THOC2: variants seen among roughly 807,000 people sequenced by gnomAD.
THOC2 encodes the protein THO complex subunit 2.
In THOC2, 10 loss-of-function variants were observed where a neutral mutation model predicts 128.4. The observed-to-expected ratio is 0.08, with a 90% CI of 0.05 to 0.13. The LOEUF (loss-of-function observed/expected upper bound fraction) is 0.13, where lower values mean the gene tolerates loss of function less well. THOC2 is among the 10% of genes least tolerant of loss of function. The pLI, the probability that THOC2 is intolerant of heterozygous loss-of-function variation, is 1.00. For synonymous variants in THOC2, 393 were observed against 396.9 expected (o/e 0.99, Z 0.12); for missense variants, 535 against 1,155.7 (o/e 0.46, Z 7.79).
intron 38 of THOC2, among the ~76,000 whole-genome samples, chrX:123,607,544 T>A (rs1404779378): frequency 9.2e-6 from 1 of 109,215 alleles, no homozygotes; most frequent in Admixed American, 9.8e-5. Flanking sequence ...CCTCAAGCAA[T>A]CCTCTTGCCT....
chrX:123,711,178 G>A (rs1312981905), intron 2 of THOC2, among the ~76,000 whole-genome samples: 2 of 102,281 alleles, frequency 2.0e-5, no homozygotes, highest in African/African-American at 7.1e-5. Flanking sequence ...GCCACCACAC[G>A]CAGCTAATTT....
At chrX:123,643,002 T>C (rs979485643) in intron 15 of THOC2, among the ~76,000 whole-genome samples, 6 of 111,294 alleles carry the variant, frequency 5.4e-5, no homozygotes, top group Non-Finnish European at 9.4e-5. Context: ...TGCTAAAGAA[T>C]AGTGATGGAA....
Position 123,716,318 on chromosome X carries a change from G to A in THOC2, c.72-3410C>T, listed in dbSNP as rs1198864345. 2.7e-5 allele frequency among the ~76,000 whole-genome samples: 3 copies of A among 112,624 alleles called. No homozygotes were observed. The South Asian group carries it at 1.1e-3, about 41-fold the overall frequency. On this transcript the variant is annotated intron_variant, in intron 1 of 38. Coordinates refer to ENST00000245838, the MANE Select transcript of THOC2 (RefSeq NM_001081550.2). Reference sequence around the variant, plus strand: ...ATAGAGGCTGAGCGCAGTGGCTCACGCCTGTAATCCCAGCACTTTGGGAGG... The same window carrying A: ...ATAGAGGCTGAGCGCAGTGGCTCACACCTGTAATCCCAGCACTTTGGGAGG...
rs549256040 is a variant in THOC2, at chrX:123,686,594, G to A, written c.722C>T (p.Pro241Leu). The A allele has an allele frequency of 7.5e-6, 9 of 1,204,127 alleles. No individual in the cohort carries two copies. The highest frequency in any genetic ancestry group is 7.0e-5 in the African/African-American group (4 of 57,017). Reference sequence around the variant, plus strand: ...CCCAAGAATATGACACAGTGTTTGCGGTTCACACATACTCATGTAAGATTC... The same window carrying A: ...CCCAAGAATATGACACAGTGTTTGCAGTTCACACATACTCATGTAAGATTC... ...LLESYMSMCE[P>L]QTLCHILGFK... The change falls in exon 8 of 39, where the codon CCG becomes CTG. Residue 241 changes from proline (P) to leucine (L), a missense_variant. This residue lies in a region of THOC2 where 197 missense variants were observed against 313.4 expected (regional missense o/e 0.63). Coordinates refer to ENST00000245838, the MANE Select transcript of THOC2 (RefSeq NM_001081550.2).
chrX:123,671,597 T>C, intron 9 of THOC2, 72 bp downstream of exon 9: 2 of 610,354 alleles, frequency 3.3e-6, no homozygotes, highest in Non-Finnish European at 2.5e-6. Flanking sequence ...GGGGGTGCTA[T>C]GTGGCTACCT....
At chrX:123,710,290 CAAT>C (rs746754383) in intron 2 of THOC2, among the ~76,000 whole-genome samples, 2 of 111,842 alleles carry the variant, frequency 1.8e-5, no homozygotes, top group African/African-American at 3.3e-5. Flanking sequence ...TGCAAATAAA[CAAT>C]AATCTAATAG....
intron 1 of THOC2, among the ~76,000 whole-genome samples, chrX:123,713,476 CA>C (rs1245124629): frequency 1.4e-3 from 55 of 38,353 alleles, no homozygotes; most frequent in Middle Eastern, 0.022. Flanking sequence ...TCTGTCTCTA[CA>C]AAAAAAAAAA....
chrX:123,642,881 CTT>C (rs1274992228), intron 15 of THOC2, among the ~76,000 whole-genome samples: 1 of 111,205 alleles, frequency 9.0e-6, no homozygotes, highest in African/African-American at 3.3e-5. Context: ...TGGAGTGAGA[CTT>C]TTTGCTGTAT....
At chrX:123,662,587 CAAA>C (rs777761030) in intron 12 of THOC2, among the ~76,000 whole-genome samples, 2 of 47,428 alleles carry the variant, frequency 4.2e-5, no homozygotes, top group Non-Finnish European at 7.8e-5. Context: ...GACTCCGTCT[CAAA>C]AAAAAAAAAA....
At chrX:123,683,839 A>G (rs1023661587) in intron 8 of THOC2, among the ~76,000 whole-genome samples, 2 of 110,772 alleles carry the variant, frequency 1.8e-5, no homozygotes, top group Non-Finnish European at 3.8e-5. Context: ...ACCTCAGGTG[A>G]CCCACCTGCC....
At chrX:123,617,948 T>C (rs1284819455) in intron 33 of THOC2, among the ~76,000 whole-genome samples, 1 of 111,838 alleles carries the variant, frequency 8.9e-6, no homozygotes, top group African/African-American at 3.2e-5. Context: ...GAAAGTTCTA[T>C]AGATATCAAA....
intron 10 of THOC2, 70 bp from the exon 11 acceptor site, chrX:123,667,348 T>TA: frequency 1.3e-6 from 1 of 785,427 alleles, no homozygotes; most frequent in Non-Finnish European, 1.8e-6. Flanking sequence ...CTTTGTCACT[T>TA]AAAAAACTGA....
chrX:123,718,204 T>C (rs2051515608), intron 1 of THOC2, among the ~76,000 whole-genome samples: 1 of 112,116 alleles, frequency 8.9e-6, no homozygotes, highest in East Asian at 2.8e-4. Context: ...AGACAGTCTC[T>C]TCAATAAAGA....
At chrX:123,719,083 C>A (rs2051566804) in intron 1 of THOC2, among the ~76,000 whole-genome samples, 2 of 107,878 alleles carry the variant, frequency 1.9e-5, no homozygotes, top group Admixed American at 2.0e-4. Flanking sequence ...GAGGCTGAGG[C>A]AGGAGAATGG....
intron 13 of THOC2, 97 bp downstream of exon 13, chrX:123,645,237 C>T (rs2048075491): frequency 6.8e-6 from 4 of 588,068 alleles, no homozygotes; most frequent in Non-Finnish European, 1.0e-5. Flanking sequence ...AAAACAATTA[C>T]TCATACAGAT....
intron 1 of THOC2, among the ~76,000 whole-genome samples, chrX:123,731,354 A>T (rs771672455): frequency 2.9e-4 from 32 of 111,840 alleles, no homozygotes; most frequent in Middle Eastern, 4.7e-3. Context: ...TATGAGACAT[A>T]GTCCCTATAT....
At chrX:123,697,625 T>C in intron 5 of THOC2, 56 bp downstream of exon 5, 1 of 607,062 alleles carries the variant, frequency 1.6e-6, no homozygotes, top group Non-Finnish European at 2.6e-6. Context: ...GATTAACTTC[T>C]ATTACAACTG....
rs756021755 is a variant in THOC2 at position 123,613,631 on chromosome X, C to A, written c.4519+8G>T. The A allele has an allele frequency of 5.8e-6, 7 of 1,207,888 alleles. No homozygotes were observed. Among genetic ancestry groups the A allele is most frequent in the Non-Finnish European group, 7.8e-6 (7 of 892,074 alleles). On this transcript the variant is annotated splice_region_variant and intron_variant, in intron 35 of 38. Transcript: ENST00000245838. ...GATATCTTCAAAGATATGAATAAGT[C>A]TACCTACTTGTTCCATTCTCCTCTT... is the stretch of plus-strand genomic sequence containing the variant.
intron 7 of THOC2, among the ~76,000 whole-genome samples, chrX:123,694,163 TAA>T (rs933902648): frequency 2.9e-5 from 3 of 102,640 alleles, no homozygotes; most frequent in Admixed American, 1.1e-4. Flanking sequence ...GATATAAAGT[TAA>T]AAAAAAAAAA....
Sources: gnomAD v4.1 joint callset for allele counts (sites outside exome capture counted in the v4.1 genomes callset) on GRCh38, gnomAD v4.1.1 for gene constraint, gnomAD v4.1.1 regional missense constraint, MANE v1.5 for transcripts, NCBI Gene and HGNC (gene_info 2026-07-23, HGNC 2026-07-21) for gene names.